ACVR1B: variants seen among roughly 807,000 people sequenced by gnomAD.
ACVR1B encodes the protein activin receptor type-1B.
In ACVR1B, 15 loss-of-function variants were observed where a neutral mutation model predicts 55.6. That is an observed-to-expected ratio of 0.27 (90% confidence interval 0.18 to 0.42). ACVR1B has a LOEUF of 0.42. ACVR1B is among the 10% of genes least tolerant of loss of function. ACVR1B has a pLI of 1.00. For synonymous variants in ACVR1B, 247 were observed against 254.6 expected, an observed-to-expected ratio of 0.97 and a Z score of 0.28; for missense variants, 359 against 670.1, an observed-to-expected ratio of 0.54 and a Z score of 5.13.
At chr12:51,962,989 G>A (rs890687445) in intron 1 of ACVR1B, among the ~76,000 whole-genome samples, 5 of 152,228 alleles carry the variant, frequency 3.3e-5, no homozygotes, top group East Asian at 1.9e-4. Flanking sequence ...TCCCGGACAC[G>A]GTGGAGAGTC....
At chr12:51,972,641 T>C (rs1173661066) in intron 1 of ACVR1B, among the ~76,000 whole-genome samples, 1 of 152,204 alleles carries the variant, frequency 6.6e-6, no homozygotes, top group East Asian at 1.9e-4. Flanking sequence ...CAAGGTCATG[T>C]GGTTAATATT....
intron 1 of ACVR1B, among the ~76,000 whole-genome samples, chr12:51,952,882 C>G (rs562881397): frequency 1.5e-4 from 23 of 151,562 alleles, no homozygotes; most frequent in South Asian, 1.5e-3. Flanking sequence ...ACCACCCCCC[C>G]ACTCTCCTCT....
chr12:51,982,776 G>T, intron 4 of ACVR1B: 10 of 1,531,100 alleles, frequency 6.5e-6, no homozygotes, highest in Non-Finnish European at 8.7e-6. Context: ...TACAAGGGAG[G>T]AAGGGGAAGA....
chr12:51,961,224 G>A (rs1040811947), intron 1 of ACVR1B, among the ~76,000 whole-genome samples: 2 of 152,176 alleles, frequency 1.3e-5, no homozygotes, highest in African/African-American at 4.8e-5. Flanking sequence ...TTGGTGCGGG[G>A]AGCTGGCTTA....
chr12:51,980,599 C>T (rs1481255891), intron 3 of ACVR1B, among the ~76,000 whole-genome samples: 1 of 152,312 alleles, frequency 6.6e-6, no homozygotes, highest in East Asian at 1.9e-4. Context: ...TTTCCTTCCT[C>T]CACCAAAATA....
At chr12:51,989,437 A>G (rs932314487) in intron 7 of ACVR1B, among the ~76,000 whole-genome samples, 73 of 151,842 alleles carry the variant, frequency 4.8e-4, no homozygotes, top group Middle Eastern at 3.4e-3. Context: ...GGTGCCCACC[A>G]CCACTGCGGG....
At chr12:51,985,924 G>A (rs752115141) in intron 6 of ACVR1B, among the ~76,000 whole-genome samples, 2 of 152,170 alleles carry the variant, frequency 1.3e-5, no homozygotes, top group Non-Finnish European at 2.9e-5. Flanking sequence ...GTGGAAATCT[G>A]CTGAATCTAA....
intron 7 of ACVR1B, among the ~76,000 whole-genome samples, chr12:51,990,538 A>AC (rs1479563346): frequency 1.3e-5 from 2 of 150,672 alleles, no homozygotes; most frequent in African/African-American, 4.9e-5. Context: ...CTGGTCTTGA[A>AC]CTCCTGTGTT....
intron 3 of ACVR1B, among the ~76,000 whole-genome samples, chr12:51,979,206 C>T (rs529392743): frequency 1.3e-5 from 2 of 149,072 alleles, no homozygotes; most frequent in Non-Finnish European, 3.0e-5. Context: ...TGGCTCACAC[C>T]TGTAATCCCA....
At chr12:51,987,371 T>C (rs1374281486) in intron 7 of ACVR1B, 1 of 466,556 alleles carries the variant, frequency 2.1e-6, no homozygotes, top group Non-Finnish European at 3.8e-6. Flanking sequence ...AATTTCTAAA[T>C]TTATAAAAGT....
chr12:51,988,872 C>G (rs1300243538), intron 7 of ACVR1B, among the ~76,000 whole-genome samples: 1 of 152,196 alleles, frequency 6.6e-6, no homozygotes, highest in African/African-American at 2.4e-5. Context: ...AATCCCAGCA[C>G]TTTGAGAGGC....
rs147606273 is a variant in ACVR1B, at chr12:51,994,667, T to A, written c.*557T>A. 1 of 154,232 alleles carries A rather than the reference T, an allele frequency of 6.5e-6. No individual in the cohort carries two copies. Among genetic ancestry groups the A allele is most frequent in the East Asian group, 1.9e-4 (1 of 5,214 alleles). The allele number at this position is 154,232 out of a possible 1,614,324, so 9.6% of individuals were successfully genotyped here. On this transcript the variant is annotated 3_prime_UTR_variant, in exon 9 of 9. Transcript: ENST00000257963. The surrounding 1 kb of genome is among the most constrained non-coding windows in gnomAD (Gnocchi z 4.2). Reference sequence around the variant, plus strand: ...CTTTGTCTGTCCAGCCGTGTGTGCATGTGCCGAGGTGCGTCCCCCGTTGTG... The same window carrying A: ...CTTTGTCTGTCCAGCCGTGTGTGCAAGTGCCGAGGTGCGTCCCCCGTTGTG...
chr12:51,993,968 C>A lies in ACVR1B; in HGVS notation c.1393-17C>A, dbSNP rs747002387. Reference sequence around the variant, plus strand: ...CCAGGGCATGACCGAGCTGATGGCTCCTGGGTCTCTGCACAGGCACTGCGG... The same window carrying A: ...CCAGGGCATGACCGAGCTGATGGCTACTGGGTCTCTGCACAGGCACTGCGG... On this transcript the variant is annotated splice_polypyrimidine_tract_variant and intron_variant, in intron 8 of 8. Transcript: ENST00000257963. The A allele has an allele frequency of 6.2e-7, 1 of 1,613,568 alleles. No individual in the cohort carries two copies. Among genetic ancestry groups the A allele is most frequent in the Non-Finnish European group, 8.5e-7 (1 of 1,179,924 alleles).
chr12:51,988,342 G>A (rs772007885), intron 7 of ACVR1B, among the ~76,000 whole-genome samples: 7 of 152,202 alleles, frequency 4.6e-5, no homozygotes, highest in Non-Finnish European at 7.3e-5. Flanking sequence ...GGTGGTGCAC[G>A]CCTGTAGTCC....
chr12:51,963,206 C>T (rs1941570082), intron 1 of ACVR1B, among the ~76,000 whole-genome samples: 1 of 151,838 alleles, frequency 6.6e-6, no homozygotes, highest in Admixed American at 6.6e-5. Context: ...AAACCATCAC[C>T]ACTATTTTTT....
chr12:51,970,985 G>T (rs1941736587), intron 1 of ACVR1B, among the ~76,000 whole-genome samples: 2 of 152,078 alleles, frequency 1.3e-5, no homozygotes, highest in Admixed American at 1.3e-4. Context: ...TTCACAGGGG[G>T]CGCCATCATG....
chr12:51,965,509 G>C (rs1941621685), intron 1 of ACVR1B, among the ~76,000 whole-genome samples: 1 of 152,222 alleles, frequency 6.6e-6, no homozygotes, highest in Admixed American at 6.5e-5. Flanking sequence ...AATGTCAGCA[G>C]CTGGGTGGGA....
At chr12:51,987,244 T>A in intron 7 of ACVR1B, 1 of 630,134 alleles carries the variant, frequency 1.6e-6, no homozygotes, top group Non-Finnish European at 2.9e-6. Context: ...CCGGTGCGCA[T>A]AGCACGGGAT....
chr12:51,978,448 A>G (rs1000731302), intron 3 of ACVR1B, among the ~76,000 whole-genome samples: 1 of 152,190 alleles, frequency 6.6e-6, no homozygotes, highest in East Asian at 1.9e-4. Context: ...TAAAGTAGTA[A>G]GTCCATGCTG....
Sources: gnomAD v4.1 joint callset for allele counts (sites outside exome capture counted in the v4.1 genomes callset) on GRCh38, gnomAD v4.1.1 for gene constraint, Gnocchi (gnomAD v3.1) non-coding constraint, MANE v1.5 for transcripts, NCBI Gene and HGNC (gene_info 2026-07-23, HGNC 2026-07-21) for gene names.